TXK: variants seen among roughly 807,000 people sequenced by gnomAD.
TXK encodes tyrosine-protein kinase TXK.
A neutral mutation model predicts 81.0 loss-of-function variants in TXK; 60 were observed. The observed-to-expected ratio is 0.74, with a 90% CI of 0.60 to 0.92. The LOEUF is 0.92. Ranked by LOEUF, TXK falls within the 40% of genes least tolerant of loss-of-function variation. The probability of loss-of-function intolerance (pLI) is 0.00; values close to 1 mark genes in which losing one functional copy is unlikely to be tolerated. For missense variants in TXK, 581 were observed against 638.3 expected, an observed-to-expected ratio of 0.91 and a Z score of 0.97; for synonymous variants, 203 against 210.7, an observed-to-expected ratio of 0.96 and a Z score of 0.32.
At chr4:48,113,749 T>A (rs1718715846) in intron 2 of TXK, among the ~76,000 whole-genome samples, 1 of 152,202 alleles carries the variant, frequency 6.6e-6, no homozygotes. Flanking sequence ...CATTTCATAG[T>A]GTGGCCTTGG....
At chr4:48,073,614 A>G (rs558121980) in intron 13 of TXK, among the ~76,000 whole-genome samples, 1 of 152,214 alleles carries the variant, frequency 6.6e-6, no homozygotes, top group Non-Finnish European at 1.5e-5. Flanking sequence ...AAACAATGTC[A>G]TAAGATCATT....
intron 5 of TXK, among the ~76,000 whole-genome samples, chr4:48,109,623 T>A (rs1207411630): frequency 2.0e-5 from 3 of 152,210 alleles, no homozygotes; most frequent in Non-Finnish European, 4.4e-5. Context: ...TAGAGTAATG[T>A]AGATGAGTCA....
intron 1 of TXK, among the ~76,000 whole-genome samples, chr4:48,128,561 C>CTTTTTT (rs58431850): frequency 2.6e-4 from 22 of 85,290 alleles, no homozygotes; most frequent in African/African-American, 4.2e-4. Context: ...CCACTACATC[C>CTTTTTT]TTTTTTTTTT....
In TXK at chr4:48,134,182, C is replaced by T; in HGVS notation, c.-12G>A. 6.2e-7 allele frequency: 1 copy of T among 1,613,482 alleles called. No homozygotes were observed. The highest frequency in any genetic ancestry group is 8.5e-7 in the Non-Finnish European group (1 of 1,179,750). Reference sequence around the variant, plus strand: ...GAGGAAAGGATCATGGTAGCCCCTTCTGCGGGGAGCACACAACAGTCTTCA... The same window carrying T: ...GAGGAAAGGATCATGGTAGCCCCTTTTGCGGGGAGCACACAACAGTCTTCA... On this transcript the variant is annotated 5_prime_UTR_variant, in exon 1 of 15. Coordinates refer to ENST00000264316, the MANE Select transcript of TXK (RefSeq NM_003328.3).
intron 3 of TXK, among the ~76,000 whole-genome samples, chr4:48,112,872 G>A (rs997429987): frequency 7.9e-5 from 12 of 151,340 alleles, no homozygotes; most frequent in Non-Finnish European, 1.8e-4. Flanking sequence ...TTTATGTGGT[G>A]GCAGTTTGTG....
chr4:48,097,948 C>T (rs546067156), intron 6 of TXK, among the ~76,000 whole-genome samples: 2 of 151,756 alleles, frequency 1.3e-5, no homozygotes, highest in South Asian at 2.1e-4. Context: ...GGGGTTTCAC[C>T]GTGTTAGCCA....
chr4:48,116,643 A>G (rs780161403), intron 1 of TXK, among the ~76,000 whole-genome samples: 8 of 152,174 alleles, frequency 5.3e-5, no homozygotes, highest in Non-Finnish European at 8.8e-5. Flanking sequence ...TCATCCATCC[A>G]AGGACACAGA....
chr4:48,081,963 T>C (rs896780674), intron 10 of TXK, among the ~76,000 whole-genome samples: 33 of 152,336 alleles, frequency 2.2e-4, no homozygotes, highest in Middle Eastern at 3.4e-3. Flanking sequence ...CAGCAAGTCT[T>C]GATGACTTTA....
intron 11 of TXK, among the ~76,000 whole-genome samples, chr4:48,078,054 G>A (rs1197146240): frequency 3.3e-5 from 5 of 152,132 alleles, no homozygotes; most frequent in Non-Finnish European, 5.9e-5. Flanking sequence ...TCTGGGGTAC[G>A]GCCTGGCTAT....
intron 1 of TXK, among the ~76,000 whole-genome samples, chr4:48,128,725 C>T (rs971836075): frequency 6.6e-5 from 10 of 151,702 alleles, no homozygotes; most frequent in African/African-American, 1.7e-4. Context: ...CCACCACGCC[C>T]GGCTAATTTC....
chr4:48,116,135 T>C (rs1030816799), intron 1 of TXK, among the ~76,000 whole-genome samples: 5 of 152,326 alleles, frequency 3.3e-5, no homozygotes, highest in Admixed American at 2.6e-4. Context: ...AGAAGCCCTA[T>C]AAATGTCTAA....
chr4:48,113,421 A>T (rs1718704654), intron 2 of TXK, 112 bp from the exon 3 acceptor site: 4 of 756,518 alleles, frequency 5.3e-6, no homozygotes, highest in Non-Finnish European at 8.5e-6. Context: ...TTCCAACTCC[A>T]TTTTCATTTA....
intron 1 of TXK, among the ~76,000 whole-genome samples, chr4:48,116,195 G>A (rs553154681): frequency 6.6e-5 from 10 of 152,234 alleles, no homozygotes; most frequent in East Asian, 1.9e-4. Flanking sequence ...TAGTTTCCTC[G>A]TCTGTAAAAT....
At chr4:48,069,292 ACT>A (rs1716739987) in intron 14 of TXK, among the ~76,000 whole-genome samples, 7 of 150,198 alleles carry the variant, frequency 4.7e-5, no homozygotes, top group Admixed American at 4.6e-4. Flanking sequence ...ACAGAGCAAG[ACT>A]CTGTCTCAAA....
intron 10 of TXK, among the ~76,000 whole-genome samples, chr4:48,081,075 GAACTT>G (rs1466008600): frequency 6.6e-6 from 1 of 151,826 alleles, no homozygotes; most frequent in Non-Finnish European, 1.5e-5. Flanking sequence ...GGCATTCAGA[GAACTT>G]AACATTATCT....
intron 12 of TXK, among the ~76,000 whole-genome samples, chr4:48,075,399 TCA>T (rs914151204): frequency 1.3e-5 from 2 of 152,114 alleles, no homozygotes; most frequent in African/African-American, 4.8e-5. Flanking sequence ...ACACCTGTAA[TCA>T]CAGCACTTTT....
intron 9 of TXK, among the ~76,000 whole-genome samples, chr4:48,086,854 G>T (rs1341565866): frequency 1.3e-5 from 2 of 152,198 alleles, no homozygotes; most frequent in Non-Finnish European, 2.9e-5. Flanking sequence ...GGTGATGTTT[G>T]TATAACAAAT....
At chr4:48,123,344 C>G (rs558210011) in intron 1 of TXK, among the ~76,000 whole-genome samples, 2 of 152,272 alleles carry the variant, frequency 1.3e-5, no homozygotes, top group East Asian at 3.9e-4. Context: ...CTTACCTTTT[C>G]CCCAACAGAA....
chr4:48,107,966 G>A (rs1450498969), intron 5 of TXK, among the ~76,000 whole-genome samples: 1 of 151,492 alleles, frequency 6.6e-6, no homozygotes, highest in Non-Finnish European at 1.5e-5. Context: ...AGCTACTCAG[G>A]AGGCTGAGGC....
Sources: gnomAD v4.1 joint callset for allele counts (sites outside exome capture counted in the v4.1 genomes callset) on GRCh38, gnomAD v4.1.1 for gene constraint, MANE v1.5 for transcripts, NCBI Gene and HGNC (gene_info 2026-07-23, HGNC 2026-07-21) for gene names.